Variants in IQCJ observed in about 807,000 individuals in gnomAD.
The protein encoded by IQCJ is IQ motif containing J.
In IQCJ, 9 loss-of-function variants were observed where a neutral mutation model predicts 11.0. The observed-to-expected ratio is 0.82, with a 90% confidence interval of 0.49 to 1.43. IQCJ has a LOEUF of 1.43. Among genes scored for constraint, IQCJ ranks in the 40% most tolerant of loss-of-function variants. The pLI is 0.00. For missense variants in IQCJ, 146 were observed against 133.2 expected, an observed-to-expected ratio of 1.10 and a Z score of -0.47; for synonymous variants, 55 against 51.3, an observed-to-expected ratio of 1.07 and a Z score of -0.31.
chr3:159,125,935 T>G (rs1324264449), intron 1 of IQCJ, among the ~76,000 whole-genome samples: 1 of 152,084 alleles, frequency 6.6e-6, no homozygotes, highest in African/African-American at 2.4e-5. Flanking sequence ...AAATCAGAAG[T>G]GAAGACAATC....
At chr3:159,076,598 T>C (rs528724632) in intron 1 of IQCJ, among the ~76,000 whole-genome samples, 1 of 152,250 alleles carries the variant, frequency 6.6e-6, no homozygotes, top group Non-Finnish European at 1.5e-5. Flanking sequence ...CATGCCCCAG[T>C]GCACATCCCC....
At chr3:159,160,443 T>C (rs1240303368) in intron 1 of IQCJ, among the ~76,000 whole-genome samples, 1 of 152,048 alleles carries the variant, frequency 6.6e-6, no homozygotes, top group Non-Finnish European at 1.5e-5. Flanking sequence ...GCTGGGATTA[T>C]AGATGTGTGC....
rs902519721 is a variant in IQCJ, at chr3:159,233,259, G to T, written c.10-12584G>T. ...CACACAGAACTTGGTATGAAGTCCTGCCAGGCCCAGGGGCTTAGGCTCTAT... is the reference window on the plus strand; with the variant it reads ...CACACAGAACTTGGTATGAAGTCCTTCCAGGCCCAGGGGCTTAGGCTCTAT... On this transcript the variant is annotated intron_variant, in intron 1 of 3. Coordinates refer to ENST00000397832, the MANE Select transcript of IQCJ (RefSeq NM_001042706.3). Among the ~76,000 whole-genome samples the T allele has an allele frequency of 3.3e-5, 5 of 152,122 alleles. 1 individual carries two copies. The highest frequency in any genetic ancestry group is 1.2e-4 in the African/African-American group (5 of 41,434).
chr3:159,124,669 C>G (rs1170420054), intron 1 of IQCJ, among the ~76,000 whole-genome samples: 1 of 152,138 alleles, frequency 6.6e-6, no homozygotes, highest in Non-Finnish European at 1.5e-5. Context: ...TTCTTATAGA[C>G]CTTACTGTGT....
chr3:159,162,835 A>C (rs1404942507), intron 1 of IQCJ, among the ~76,000 whole-genome samples: 2 of 152,226 alleles, frequency 1.3e-5, no homozygotes, highest in South Asian at 2.1e-4. Context: ...GAAATGGATA[A>C]ATTCCTTGAC....
At chr3:159,139,995 A>G (rs545176258) in intron 1 of IQCJ, among the ~76,000 whole-genome samples, 4 of 152,316 alleles carry the variant, frequency 2.6e-5, no homozygotes, top group Admixed American at 6.5e-5. Context: ...AAAAATTTAA[A>G]TAGATAATTT....
chr3:159,143,449 C>T (rs530283770), intron 1 of IQCJ, among the ~76,000 whole-genome samples: 1 of 152,268 alleles, frequency 6.6e-6, no homozygotes, highest in African/African-American at 2.4e-5. Context: ...CTCATCCCTT[C>T]GTTGCTCTTT....
At chr3:159,108,953 C>T (rs925128139) in intron 1 of IQCJ, among the ~76,000 whole-genome samples, 5 of 152,170 alleles carry the variant, frequency 3.3e-5, no homozygotes, top group African/African-American at 1.2e-4. Context: ...GGCCAACCAG[C>T]ATCAAATGCC....
chr3:159,069,707 A>G (rs1715416194), intron 1 of IQCJ: 1 of 575,672 alleles, frequency 1.7e-6, no homozygotes, highest in Non-Finnish European at 3.2e-6. Flanking sequence ...TGAAAGCAAC[A>G]CTTCCTATGA....
intron 1 of IQCJ, among the ~76,000 whole-genome samples, chr3:159,085,982 A>C (rs965261146): frequency 3.3e-5 from 5 of 152,216 alleles, no homozygotes; most frequent in Non-Finnish European, 7.4e-5. Flanking sequence ...TTAGACATGA[A>C]GCCTTGCCCA....
chr3:159,219,028 G>T (rs1725391987), intron 1 of IQCJ, among the ~76,000 whole-genome samples: 1 of 151,994 alleles, frequency 6.6e-6, no homozygotes, highest in African/African-American at 2.4e-5. Flanking sequence ...CTCTTAGAAG[G>T]ACTCTTGTGA....
At chr3:159,160,810 A>G (rs1455408802) in intron 1 of IQCJ, among the ~76,000 whole-genome samples, 2 of 151,170 alleles carry the variant, frequency 1.3e-5, no homozygotes, top group Admixed American at 6.6e-5. Context: ...GCGATAGTTT[A>G]CTGAGAATGA....
At position 159,251,883 on chromosome 3, in the gene IQCJ, G is replaced by A. The variant is rs576645393; in HGVS notation, c.75-844G>A. Among the ~76,000 whole-genome samples, 40 of 152,240 alleles carry A rather than the reference G, an allele frequency of 2.6e-4. No individual in the cohort carries two copies. The South Asian group carries it at 7.7e-3, about 29-fold the overall frequency. On this transcript the variant is annotated intron_variant, in intron 2 of 3. Coordinates refer to ENST00000397832, the MANE Select transcript of IQCJ (RefSeq NM_001042706.3). ...GGGGAAAGTGACTTAGTTAATGGAA[G>A]TTACTGTGATAAATAAGATAATGCA...
chr3:159,140,891 A>C (rs1319810625), intron 1 of IQCJ, among the ~76,000 whole-genome samples: 1 of 152,226 alleles, frequency 6.6e-6, no homozygotes, highest in Non-Finnish European at 1.5e-5. Context: ...TGCCAGAACT[A>C]AGAAAATCAG....
downstream of IQCJ, among the ~76,000 whole-genome samples, chr3:159,264,136 G>A (rs1390089838): frequency 6.6e-6 from 1 of 152,174 alleles, no homozygotes; most frequent in Non-Finnish European, 1.5e-5. Context: ...TAAATGTTTG[G>A]ATTTACTTTT....
At chr3:159,257,036 G>A (rs1727935480) in intron 3 of IQCJ, among the ~76,000 whole-genome samples, 1 of 152,158 alleles carries the variant, frequency 6.6e-6, no homozygotes, top group African/African-American at 2.4e-5. Flanking sequence ...AGGTAAACTA[G>A]GCAAGAACCT....
intron 1 of IQCJ, among the ~76,000 whole-genome samples, chr3:159,222,780 G>A (rs1312200033): frequency 6.6e-6 from 1 of 151,968 alleles, no homozygotes; most frequent in Non-Finnish European, 1.5e-5. Flanking sequence ...TTTCACTATG[G>A]ATATGTAAAT....
At chr3:159,089,280 G>A (rs562174389) in intron 1 of IQCJ, among the ~76,000 whole-genome samples, 74 of 152,244 alleles carry the variant, frequency 4.9e-4, no homozygotes, top group Admixed American at 1.6e-3. Context: ...CGTTTCTGCC[G>A]AAAGATCCGC....
At chr3:159,165,587 A>G (rs889851106) in intron 1 of IQCJ, among the ~76,000 whole-genome samples, 2 of 151,638 alleles carry the variant, frequency 1.3e-5, no homozygotes, top group Non-Finnish European at 2.9e-5. Context: ...GTTAAATTCT[A>G]TTAAAGTATA....
Sources: gnomAD v4.1 joint callset for allele counts (sites outside exome capture counted in the v4.1 genomes callset) on GRCh38, gnomAD v4.1.1 for gene constraint, MANE v1.5 for transcripts, NCBI Gene and HGNC (gene_info 2026-07-23, HGNC 2026-07-21) for gene names.